Variants in SNRPN observed in about 807,000 individuals in gnomAD.
SNRPN encodes the protein small nuclear ribonucleoprotein polypeptide N.
In SNRPN, 7 loss-of-function variants were observed where a neutral mutation model predicts 25.2. The ratio of observed to expected loss-of-function variants is 0.28; its 90% CI spans 0.16 to 0.52. The LOEUF (loss-of-function observed/expected upper bound fraction) is 0.52. Among genes scored for constraint, SNRPN ranks in the 20% least tolerant of loss-of-function variants. The probability of loss-of-function intolerance (pLI) is 0.96; values close to 1 mark genes in which losing one functional copy is unlikely to be tolerated. For synonymous variants in SNRPN, 124 were observed against 110.6 expected, an observed-to-expected ratio of 1.12 and a Z score of -0.76; for missense variants, 196 against 322.5, an observed-to-expected ratio of 0.61 and a Z score of 3.00.
chr15:24,833,827 C>T (rs544828886), intron 2 of SNRPN, among the ~76,000 whole-genome samples: 12 of 152,112 alleles, frequency 7.9e-5, no homozygotes, highest in South Asian at 6.2e-4. Flanking sequence ...AAAGAACAGA[C>T]GGTAGGTGTG....
chr15:24,975,179 C>T (rs1007380419), intron 4 of SNRPN, among the ~76,000 whole-genome samples, 179 bp from the exon 5 acceptor site: 2 of 152,012 alleles, frequency 1.3e-5, no homozygotes, highest in African/African-American at 4.8e-5. Context: ...CTTCATAATC[C>T]TTTGTGGTCC....
upstream of SNRPN, among the ~76,000 whole-genome samples, chr15:24,856,374 A>G (rs894940446): frequency 1.3e-5 from 2 of 152,236 alleles, no homozygotes; most frequent in Admixed American, 6.5e-5. Flanking sequence ...TGAGATGTCA[A>G]CACTCCTCAT....
At chr15:24,933,038 G>A (rs138067148) in intron 3 of SNRPN, among the ~76,000 whole-genome samples, 2,320 of 152,268 alleles carry the variant, frequency 0.015, 55 homozygotes, top group African/African-American at 0.052. Context: ...GGGGCAGGAG[G>A]ATTACTTGAG....
chr15:24,909,580 G>T, intron 2 of SNRPN: 1 of 1,306,392 alleles, frequency 7.7e-7, no homozygotes, highest in Non-Finnish European at 1.1e-6. Context: ...TTGGCAGTTC[G>T]TGTGCATATG....
intron 1 of SNRPN, among the ~76,000 whole-genome samples, chr15:24,961,066 C>T (rs556000324): frequency 4.0e-5 from 6 of 151,898 alleles, no homozygotes; most frequent in Admixed American, 6.6e-5. Context: ...TTAGTGTTTT[C>T]GGAACTTTAT....
intron 1 of SNRPN, among the ~76,000 whole-genome samples, chr15:24,873,673 T>C (rs1464420500): frequency 6.6e-6 from 1 of 152,012 alleles, no homozygotes; most frequent in East Asian, 1.9e-4. Flanking sequence ...GGTCTCGATC[T>C]CCTGACCTCG....
upstream of SNRPN, among the ~76,000 whole-genome samples, chr15:24,954,459 C>T (rs2062524800): frequency 1.3e-5 from 2 of 152,186 alleles, no homozygotes; most frequent in African/African-American, 4.8e-5. Context: ...TTTACCCCCT[C>T]AAAATGTAGA....
At chr15:24,919,257 G>A (rs1803528775) in intron 2 of SNRPN, among the ~76,000 whole-genome samples, 1 of 151,390 alleles carries the variant, frequency 6.6e-6, no homozygotes, top group Admixed American at 6.6e-5. Flanking sequence ...GTGAAACCCC[G>A]TCTCTACTAA....
chr15:24,903,010 A>G (rs1049254445), intron 2 of SNRPN, among the ~76,000 whole-genome samples: 1 of 152,124 alleles, frequency 6.6e-6, no homozygotes, highest in Non-Finnish European at 1.5e-5. Flanking sequence ...ATTTTTACAG[A>G]GTGCTGATTG....
chr15:24,860,561 C>G (rs899634839), intron 1 of SNRPN, among the ~76,000 whole-genome samples: 4 of 152,134 alleles, frequency 2.6e-5, no homozygotes, highest in African/African-American at 9.7e-5. Flanking sequence ...TGTCATCAGT[C>G]GAAAATGCAT....
intron 2 of SNRPN, chr15:24,912,452 G>T (rs184842853): frequency 3.3e-5 from 5 of 152,030 alleles, no homozygotes; most frequent in African/African-American, 9.7e-5. Context: ...TGCGACTTTC[G>T]ACTTACACTT....
In SNRPN at chr15:24,877,741, A is replaced by C. The variant is rs190111248; in HGVS notation, c.-578-8775A>C. On this transcript the variant is annotated intron_variant, in intron 1 of 11. Coordinates refer to the SNRPN transcript ENST00000400097. ...GTGGCGCGCGCCTGTAATCCCAGCT[A>C]CTCGGGAGGTTGGGGCAGGAGAATC... Among the ~76,000 whole-genome samples, 87 of 152,074 alleles carry C rather than the reference A, an allele frequency of 5.7e-4. 1 individual carries two copies. In the East Asian group the frequency reaches 0.015, roughly 25 times the overall value.
chr15:24,837,525 T>C lies in SNRPN; in HGVS notation c.-579+7620T>C, dbSNP rs187221414. ...CTGGGACTACAGGCGCCCACCACCA[T>C]GCCTGGCTAATTTTTTTGTATTTTT... On this transcript the variant is annotated intron_variant, in intron 2 of 12. Coordinates refer to the SNRPN transcript ENST00000400100. 3.9e-3 allele frequency among the ~76,000 whole-genome samples: 588 copies of C among 151,028 alleles called. 1 individual carries two copies. The highest frequency in any genetic ancestry group is 0.026 in the East Asian group (131 of 5,028).
intron 3 of SNRPN, among the ~76,000 whole-genome samples, chr15:24,941,637 TC>T (rs1466263647): frequency 6.6e-6 from 1 of 152,198 alleles, no homozygotes; most frequent in Admixed American, 6.5e-5. Flanking sequence ...CTTCCTTACT[TC>T]CTTTGTGAAG....
intron 1 of SNRPN, among the ~76,000 whole-genome samples, chr15:24,878,444 A>C (rs1200449950): frequency 2.6e-5 from 4 of 152,204 alleles, no homozygotes; most frequent in Non-Finnish European, 5.9e-5. Context: ...CGCAGGCGGA[A>C]TTGGGGCGCC....
chr15:24,916,008 G>C (rs1043650784), intron 2 of SNRPN, among the ~76,000 whole-genome samples: 5 of 115,306 alleles, frequency 4.3e-5, no homozygotes, highest in Non-Finnish European at 6.5e-5. Flanking sequence ...GTCTCACTCT[G>C]CCACCCAGGC....
chr15:24,978,226 C>T lies in SNRPN; in HGVS notation c.593C>T (p.Pro198Leu). The change falls in exon 9 of 10, where the codon CCC (proline) becomes CTC (leucine). Residue 198 changes from proline (P) to leucine (L), a missense_variant. Coordinates refer to ENST00000390687, the MANE Select transcript of SNRPN (RefSeq NM_003097.6). ...IMAPPPGMRP[P>L]MGPPIGLPPA... ...GCTCCTCCACCTGGTATGAGACCAC[C>T]CATGGGCCCACCAATTGGGCTTCCC... The T allele has an allele frequency of 6.2e-7, 1 of 1,613,946 alleles. No individual in the cohort carries two copies. The highest frequency in any genetic ancestry group is 8.5e-7 in the Non-Finnish European group (1 of 1,179,898).
At position 24,871,938 on chromosome 15, in the gene SNRPN, T is replaced by C. The variant is rs374742455; in HGVS notation, c.-578-14578T>C. 1.2e-3 allele frequency among the ~76,000 whole-genome samples: 141 copies of C among 118,636 alleles called. 36 individuals are homozygous for C. In the East Asian group the frequency reaches 0.032, roughly 27 times the overall value. 77.8% of individuals were successfully genotyped at this position (118,636 alleles called of 152,430 possible). ...GCCAGGATGGTCTCGATCTCCTGAC[T>C]TCATGATTCGCCCACCTCAGCCTCC... On this transcript the variant is annotated intron_variant, in intron 1 of 11. Transcript: ENST00000400097.
chr15:24,861,619 C>T (rs1187454362), intron 1 of SNRPN, among the ~76,000 whole-genome samples: 1 of 152,144 alleles, frequency 6.6e-6, no homozygotes, highest in Admixed American at 6.5e-5. Flanking sequence ...TGTGCTATGG[C>T]ATCGTGACAG....
Sources: gnomAD v4.1 joint callset for allele counts (sites outside exome capture counted in the v4.1 genomes callset) on GRCh38, gnomAD v4.1.1 for gene constraint, MANE v1.5 for transcripts, NCBI Gene and HGNC (gene_info 2026-07-23, HGNC 2026-07-21) for gene names.